Variants in RIPOR3 observed in about 807,000 individuals in gnomAD.
RIPOR3 encodes RIPOR family member 3.
RIPOR3 carries 95 observed loss-of-function variants against 114.3 expected under a neutral mutation model. The observed-to-expected ratio is 0.83, with a 90% CI of 0.70 to 0.99. RIPOR3 has a LOEUF of 0.99. RIPOR3 is among the 50% of genes least tolerant of loss of function. The pLI, the probability that RIPOR3 is intolerant of heterozygous loss-of-function variation, is 0.00. For synonymous variants in RIPOR3, 575 were observed against 543.8 expected (o/e 1.06, Z -0.80); for missense variants, 1,252 against 1,266.9 (o/e 0.99, Z 0.18).
rs757736592 is a variant in RIPOR3 at position 50,593,209 on chromosome 20, G to T, written c.2213-13C>A. The stretch of plus-strand genomic sequence containing the variant: ...AGCCTGCGGCACGCTGGCCAAAGGG[G>T]AGAGTACATCAGGAGAAACTGAGAC... On this transcript the variant is annotated splice_polypyrimidine_tract_variant and intron_variant, in intron 17 of 21. Transcript: ENST00000327979. The T allele has an allele frequency of 1.9e-5, 30 of 1,609,196 alleles. No individual in the cohort carries two copies. The highest frequency in any genetic ancestry group is 2.5e-5 in the Non-Finnish European group (29 of 1,179,708).
At position 50,594,798 on chromosome 20, in the gene RIPOR3, C is replaced by T. The variant is rs1357317246; in HGVS notation, c.2051-84G>A. ...CCGAAAGGTTTCCCTCCACTAGGAC[C>T]TGAGGGGGTAGGGAGGAGGGGACGG... On this transcript the variant is annotated intron_variant, in intron 16 of 21. Transcript: ENST00000327979. 3.2e-5 allele frequency: 47 copies of T among 1,479,530 alleles called. 1 individual carries two copies. In the Admixed American group the frequency reaches 5.0e-4, roughly 16 times the overall value. 91.7% of individuals were successfully genotyped at this position (1,479,530 alleles called of 1,614,324 possible). A position where few individuals can be genotyped will look rare whatever the true frequency, so the allele number is the denominator to read the frequency against.
In RIPOR3 at chr20:50,603,793, C is replaced by G. The variant is rs1007069731; in HGVS notation, c.1086+852G>C. Among the ~76,000 whole-genome samples, 16 of 152,316 alleles carry G rather than the reference C, an allele frequency of 1.1e-4. No individual in the cohort carries two copies. In the Middle Eastern group the frequency reaches 0.01, roughly 97 times the overall value. Reference sequence around the variant, plus strand: ...AACCCTTACCTCTCATCAGCTGAACCAATGATAATGGTTGATGTTCATTAA... The same window carrying G: ...AACCCTTACCTCTCATCAGCTGAACGAATGATAATGGTTGATGTTCATTAA... On this transcript the variant is annotated intron_variant, in intron 12 of 21. Coordinates refer to ENST00000327979, the MANE Select transcript of RIPOR3 (RefSeq NM_001290268.2).
chr20:50,679,348 A>G (rs955018504), intron 1 of RIPOR3, among the ~76,000 whole-genome samples: 2 of 150,780 alleles, frequency 1.3e-5, no homozygotes, highest in Admixed American at 1.3e-4. Context: ...CATGGCCAAC[A>G]AACAGTGGAC....
rs764326187 is a variant in RIPOR3 at position 50,608,443 on chromosome 20, A to G, written c.902T>C (p.Val301Ala). 4 of 1,613,920 alleles carry G rather than the reference A, an allele frequency of 2.5e-6. No individual in the cohort carries two copies. Among genetic ancestry groups the G allele is most frequent in the Non-Finnish European group, 3.4e-6 (4 of 1,179,966 alleles). The change falls in exon 11 of 22, where the codon GTG becomes GCG. Residue 301 changes from valine to alanine, a missense_variant. Coordinates refer to ENST00000327979, the MANE Select transcript of RIPOR3 (RefSeq NM_001290268.2). ...DFFTTRPQVI[V>A]VDITELGTIK... ...GGTACCCAACTCCGTGATGTCCACCACGATGACCTGCGGCCGCGTCGTGAA... is the reference window on the plus strand; with the variant it reads ...GGTACCCAACTCCGTGATGTCCACCGCGATGACCTGCGGCCGCGTCGTGAA...
intron 16 of RIPOR3, chr20:50,594,925 AACCT>A: frequency 1.8e-6 from 1 of 554,306 alleles, no homozygotes; most frequent in Admixed American, 3.1e-5. Context: ...TCCCCACAAC[AACCT>A]GGGAGGGGCT....
chr20:50,620,853 G>T (rs1568875699), intron 2 of RIPOR3: 2 of 770,444 alleles, frequency 2.6e-6, no homozygotes, highest in African/African-American at 1.7e-5. Context: ...TGCAGTGGGT[G>T]TCTGACCAAA....
rs1483659171 is a variant in RIPOR3 at position 50,587,190 on chromosome 20, A to C, written c.*42T>G. 1.3e-6 allele frequency: 2 copies of C among 1,500,244 alleles called. No homozygotes were observed. Among genetic ancestry groups the C allele is most frequent in the Non-Finnish European group, 1.9e-6 (2 of 1,079,506 alleles). 92.9% of individuals were successfully genotyped at this position (1,500,244 alleles called of 1,614,324 possible). ...GGCTATGTCCAGGCTGGGCAGCAGC[A>C]AAAAAAACGATGTGAGATTTGTGCT... On this transcript the variant is annotated 3_prime_UTR_variant, in exon 22 of 22. Transcript: ENST00000327979.
chr20:50,632,202 T>C, intron 1 of RIPOR3, among the ~76,000 whole-genome samples: 1 of 151,976 alleles, frequency 6.6e-6, no homozygotes, highest in Non-Finnish European at 1.5e-5. Flanking sequence ...ACATGTGCCG[T>C]ACATAGGAAA....
At chr20:50,610,057 C>A (rs549175807) in intron 6 of RIPOR3, among the ~76,000 whole-genome samples, 82 of 129,162 alleles carry the variant, frequency 6.3e-4, no homozygotes, top group Middle Eastern at 7.8e-3. Flanking sequence ...CCCCTGCCTC[C>A]CCTGCCACCC....
intron 13 of RIPOR3, among the ~76,000 whole-genome samples, chr20:50,600,647 CT>C (rs2083460831): frequency 1.3e-5 from 2 of 152,074 alleles, no homozygotes; most frequent in African/African-American, 4.8e-5. Flanking sequence ...GTAGCCTCAA[CT>C]AGTCAGGAGG....
chr20:50,662,760 C>A (rs1342241104), intron 1 of RIPOR3, among the ~76,000 whole-genome samples: 2 of 152,180 alleles, frequency 1.3e-5, no homozygotes, highest in African/African-American at 2.4e-5. Flanking sequence ...TCTTTCCAAG[C>A]CTCAGCTTTC....
rs896636026 is a variant in RIPOR3 at position 50,691,294 on chromosome 20, C to T, written c.-166G>A. On this transcript the variant is annotated 5_prime_UTR_variant, in exon 1 of 22. Transcript: ENST00000327979. Reference sequence around the variant, plus strand: ...CACTGGCCACCAGCCGCTGGTCCCGCTCTCTGGGAAGATCGCCTTGAGGAC... The same window carrying T: ...CACTGGCCACCAGCCGCTGGTCCCGTTCTCTGGGAAGATCGCCTTGAGGAC... 1.4e-5 allele frequency: 12 copies of T among 874,078 alleles called. No homozygotes were observed. The African/African-American group carries it at 1.9e-4, about 14-fold the overall frequency. The allele number at this position is 874,078 out of a possible 1,614,324, so 54.1% of individuals were successfully genotyped here. A position where few individuals can be genotyped will look rare whatever the true frequency, so the allele number is the denominator to read the frequency against.
At chr20:50,675,529 A>G (rs1196426979) in intron 1 of RIPOR3, among the ~76,000 whole-genome samples, 1 of 152,208 alleles carries the variant, frequency 6.6e-6, no homozygotes, top group Admixed American at 6.5e-5. Context: ...CCCACTTTTA[A>G]GGACCAACTG....
rs780678411 is a variant in RIPOR3, at chr20:50,630,824, C to T, written c.36G>A (p.Leu12=). The T allele has an allele frequency of 1.2e-6, 2 of 1,609,062 alleles. No individual in the cohort carries two copies. The highest frequency in any genetic ancestry group is 1.1e-5 in the South Asian group (1 of 90,090). Residue 12 remains leucine, a synonymous_variant, in exon 2 of 22, where the codon CTG becomes CTA. Transcript: ENST00000327979. The part of the protein sequence containing the change: ...VTTMSVRLRF[L]SPGDTGAVGV... ...CCACGGCCCCTGTGTCCCCAGGGGA[C>T]AGGAACCGCAACCTCACCGACATGG...
intron 1 of RIPOR3, among the ~76,000 whole-genome samples, chr20:50,646,776 G>A (rs1340225116): frequency 6.6e-6 from 1 of 152,168 alleles, no homozygotes; most frequent in East Asian, 1.9e-4. Flanking sequence ...TTCCAAAAGT[G>A]TTGCAAAATA....
intron 1 of RIPOR3, among the ~76,000 whole-genome samples, chr20:50,685,048 G>T (rs1184198866): frequency 6.6e-6 from 1 of 152,088 alleles, no homozygotes; most frequent in Non-Finnish European, 1.5e-5. Flanking sequence ...CCAAAGTGCT[G>T]AGATTGTAGG....
chr20:50,626,907 G>A (rs73615308), intron 2 of RIPOR3, among the ~76,000 whole-genome samples: 2 of 151,720 alleles, frequency 1.3e-5, no homozygotes, highest in African/African-American at 2.4e-5. Context: ...CCAGCTACTC[G>A]GGAGGCTGAG....
intron 1 of RIPOR3, among the ~76,000 whole-genome samples, chr20:50,670,547 A>G (rs2086439945): frequency 6.6e-6 from 1 of 152,188 alleles, no homozygotes; most frequent in Non-Finnish European, 1.5e-5. Context: ...TGCAGGAAAT[A>G]AAGAAAAGAC....
At chr20:50,618,669 T>C (rs564775471) in intron 3 of RIPOR3, among the ~76,000 whole-genome samples, 1 of 152,266 alleles carries the variant, frequency 6.6e-6, no homozygotes, top group South Asian at 2.1e-4. Context: ...ACTTTTCTTT[T>C]CTGTATTGTG....
Sources: allele counts gnomAD v4.1 joint callset (sites outside exome capture counted in the v4.1 genomes callset), GRCh38; gene constraint gnomAD v4.1.1; transcripts MANE v1.5; gene names NCBI Gene and HGNC (gene_info 2026-07-23, HGNC 2026-07-21).